Variants in PLAC9 observed in about 807,000 individuals in gnomAD.
PLAC9 encodes the protein placenta associated 9, also known as placenta-specific protein 9.
In PLAC9, 12 loss-of-function variants were observed where a neutral mutation model predicts 11.5. The observed-to-expected ratio is 1.05, with a 90% confidence interval of 0.67 to 1.69. The LOEUF (loss-of-function observed/expected upper bound fraction) is 1.69, where lower values mean the gene tolerates loss of function less well. Among genes scored for constraint, PLAC9 ranks in the 40% most tolerant of loss-of-function variants. PLAC9 has a pLI of 0.00. For missense variants in PLAC9, 132 were observed against 130.5 expected (o/e 1.01, Z -0.06); for synonymous variants, 62 against 58.1 (o/e 1.07, Z -0.31).
At chr10:80,139,804 G>A (rs1308320196) in intron 1 of PLAC9, among the ~76,000 whole-genome samples, 1 of 151,686 alleles carries the variant, frequency 6.6e-6, no homozygotes, top group African/African-American at 2.4e-5. Flanking sequence ...TGATCAGGCT[G>A]GTCTTGAACT....
chr10:80,144,370 G>A (rs1845076676), intron 3 of PLAC9, 27 bp downstream of exon 3: 1 of 1,562,216 alleles, frequency 6.4e-7, no homozygotes, highest in Non-Finnish European at 8.6e-7. Context: ...GCAGAGGACA[G>A]CCTCTGGGCG....
chr10:80,136,116 G>A (rs1156558161), intron 1 of PLAC9, among the ~76,000 whole-genome samples: 1 of 152,174 alleles, frequency 6.6e-6, no homozygotes, highest in African/African-American at 2.4e-5. Flanking sequence ...GGGACCCAGG[G>A]GCCACGTCTC....
intron 2 of PLAC9, among the ~76,000 whole-genome samples, chr10:80,143,424 G>T (rs1261449156): frequency 1.9e-5 from 2 of 105,508 alleles, no homozygotes; most frequent in Non-Finnish European, 1.7e-5. Flanking sequence ...TTGAGGCAGA[G>T]TCTCACTCTG....
At chr10:80,138,150 T>C (rs937448290) in intron 1 of PLAC9, among the ~76,000 whole-genome samples, 3 of 152,130 alleles carry the variant, frequency 2.0e-5, no homozygotes, top group African/African-American at 4.8e-5. Flanking sequence ...CACACAACAG[T>C]AGACAGAATC....
intron 1 of PLAC9, among the ~76,000 whole-genome samples, chr10:80,140,894 C>T (rs1845032482): frequency 6.6e-6 from 1 of 152,126 alleles, no homozygotes; most frequent in Non-Finnish European, 1.5e-5. Flanking sequence ...CTCTTCAGCC[C>T]CCATTTCTCC....
upstream of PLAC9, among the ~76,000 whole-genome samples, chr10:80,132,354 G>A (rs66635019): frequency 0.13 from 20,465 of 152,072 alleles, 2,202 homozygotes; most frequent in East Asian, 0.63. Context: ...GAGTGATGCC[G>A]AGGAAGACAC....
At chr10:80,132,863 C>A (rs1164668888) in intron 1 of PLAC9, 37 bp downstream of exon 1, 3 of 1,446,664 alleles carry the variant, frequency 2.1e-6, no homozygotes, top group African/African-American at 3.0e-5. Flanking sequence ...GGACCTGGAG[C>A]CGGGGAGACC....
At chr10:80,136,061 A>G (rs7096892) in intron 1 of PLAC9, among the ~76,000 whole-genome samples, 23,193 of 152,040 alleles carry the variant, frequency 0.15, 3,341 homozygotes, top group African/African-American at 0.39. Flanking sequence ...AGGTCTCCCC[A>G]TAAGGCCTGT....
In PLAC9 at chr10:80,144,913, C is replaced by T. The variant is rs376212639; in HGVS notation, c.*3C>T. The T allele has an allele frequency of 2.5e-6, 4 of 1,575,282 alleles. No individual in the cohort carries two copies. In the African/African-American group the frequency reaches 5.4e-5, roughly 21 times the overall value. On this transcript the variant is annotated 3_prime_UTR_variant, in exon 4 of 4. Coordinates refer to ENST00000372263, the MANE Select transcript of PLAC9 (RefSeq NM_001012973.3). ...GCTTTCTTTCAGATGGCTTCTGAGC[C>T]CTGGAGCTGGAGCCCAGCAGTTGGA...
At chr10:80,133,616 G>A (rs1844938261) in intron 1 of PLAC9, among the ~76,000 whole-genome samples, 1 of 152,188 alleles carries the variant, frequency 6.6e-6, no homozygotes, top group Admixed American at 6.5e-5. Context: ...CTGGGTGGAG[G>A]TGGAGAGCTG....
intron 1 of PLAC9, among the ~76,000 whole-genome samples, chr10:80,141,272 A>C (rs1241482829): frequency 6.6e-6 from 1 of 152,180 alleles, no homozygotes; most frequent in African/African-American, 2.4e-5. Flanking sequence ...TATTTAAAAA[A>C]TTCATGTTTG....
At chr10:80,132,331 GT>G (rs1200118782), upstream of PLAC9, among the ~76,000 whole-genome samples, 1 of 152,196 alleles carries the variant, frequency 6.6e-6, no homozygotes, top group African/African-American at 2.4e-5. Context: ...TTCAGATCCT[GT>G]GCTATGGCTG....
At chr10:80,143,356 G>T (rs1465568420) in intron 2 of PLAC9, among the ~76,000 whole-genome samples, 8 of 147,920 alleles carry the variant, frequency 5.4e-5, no homozygotes, top group African/African-American at 2.0e-4. Context: ...GAGCCACCAT[G>T]CTGGGCCAAA....
chr10:80,142,924 T>C (rs1359248346), intron 2 of PLAC9, among the ~76,000 whole-genome samples: 2 of 152,182 alleles, frequency 1.3e-5, no homozygotes, highest in African/African-American at 2.4e-5. Context: ...GGTTTTGCTA[T>C]GTTGCCCAGG....
intron 1 of PLAC9, among the ~76,000 whole-genome samples, chr10:80,139,698 T>A (rs556235659): frequency 6.6e-6 from 1 of 150,954 alleles, no homozygotes; most frequent in Non-Finnish European, 1.5e-5. Flanking sequence ...GGGAGGGGGG[T>A]CGTTGATTTC....
intron 1 of PLAC9, 114 bp downstream of exon 1, chr10:80,132,940 C>G (rs2573359): frequency 0.55 from 480,709 of 870,574 alleles, 137,693 homozygotes; most frequent in Non-Finnish European, 0.59. Context: ...GCGAGATGGA[C>G]AGAGAGGCAG....
rs201979238 is a variant in PLAC9, at chr10:80,142,203, A to T, written c.162+24A>T. The T allele has an allele frequency of 3.8e-6, 6 of 1,574,818 alleles. No individual in the cohort carries two copies. The African/African-American group carries it at 6.7e-5, about 18-fold the overall frequency. On this transcript the variant is annotated intron_variant, in intron 2 of 3. Coordinates refer to ENST00000372263, the MANE Select transcript of PLAC9 (RefSeq NM_001012973.3). ...AGGTAACAGGGTGGTTTGGAAGGAC[A>T]TGCGAGTTCAGGACCACCTTCTAGG...
chr10:80,135,181 G>A lies in PLAC9; in HGVS notation c.64+2355G>A, dbSNP rs1271665447. ...ACTACGGACGGCTGCAACCATGCCCGGCTAAATTTTTTTTGTATTTTTAGT... is the reference window on the plus strand; with the variant it reads ...ACTACGGACGGCTGCAACCATGCCCAGCTAAATTTTTTTTGTATTTTTAGT... On this transcript the variant is annotated intron_variant, in intron 1 of 3. Coordinates refer to ENST00000372263, the MANE Select transcript of PLAC9 (RefSeq NM_001012973.3). 9.2e-5 allele frequency among the ~76,000 whole-genome samples: 14 copies of A among 151,568 alleles called. No individual in the cohort carries two copies. The East Asian group carries it at 2.1e-3, about 23-fold the overall frequency.
upstream of PLAC9, chr10:80,132,706 G>A: frequency 1.4e-6 from 2 of 1,392,260 alleles, no homozygotes; most frequent in Non-Finnish European, 1.9e-6. Flanking sequence ...GGCCGGGTGC[G>A]ATCCGGGAAG....
Sources: allele counts gnomAD v4.1 joint callset (sites outside exome capture counted in the v4.1 genomes callset), GRCh38; gene constraint gnomAD v4.1.1; transcripts MANE v1.5; gene names NCBI Gene and HGNC (gene_info 2026-07-23, HGNC 2026-07-21).